Variants in PTGFRN observed in about 807,000 individuals in gnomAD.
PTGFRN encodes the protein prostaglandin F2 receptor negative regulator.
In PTGFRN, 35 loss-of-function variants were observed where a neutral mutation model predicts 83.2. The ratio of observed to expected loss-of-function variants is 0.42; its 90% CI spans 0.32 to 0.56. The LOEUF (loss-of-function observed/expected upper bound fraction) is 0.56, where lower values mean the gene tolerates loss of function less well. PTGFRN is among the 20% of genes least tolerant of loss of function. The pLI, the probability that PTGFRN is intolerant of heterozygous loss-of-function variation, is 0.11. For synonymous variants in PTGFRN, 519 were observed against 498.6 expected, an observed-to-expected ratio of 1.04 and a Z score of -0.55; for missense variants, 1,051 against 1,179.5, an observed-to-expected ratio of 0.89 and a Z score of 1.60.
At position 116,961,976 on chromosome 1, in the gene PTGFRN, C is replaced by T. The variant is rs944741206; in HGVS notation, c.1639+308C>T. Among the ~76,000 whole-genome samples, 4 of 152,174 alleles carry T rather than the reference C, an allele frequency of 2.6e-5. No individual in the cohort carries two copies. Among genetic ancestry groups the T allele is most frequent in the Non-Finnish European group, 4.4e-5 (3 of 68,042 alleles). ...TAAACATGGTGACTCTGAGGACACTCTTTCCCCTGGAGAAACCGTTACCTC... is the reference window on the plus strand; with the variant it reads ...TAAACATGGTGACTCTGAGGACACTTTTTCCCCTGGAGAAACCGTTACCTC... On this transcript the variant is annotated intron_variant, in intron 5 of 8. Coordinates refer to ENST00000393203, the MANE Select transcript of PTGFRN (RefSeq NM_020440.4). The surrounding 1 kb of genome is among the most constrained non-coding windows in gnomAD (Gnocchi z 5.4).
At chr1:116,985,992 TA>T (rs1651467216) in intron 8 of PTGFRN, among the ~76,000 whole-genome samples, 1 of 152,204 alleles carries the variant, frequency 6.6e-6, no homozygotes, top group Non-Finnish European at 1.5e-5. Flanking sequence ...CGAGGATGAG[TA>T]AAAGCCTTTT....
Position 116,972,282 on chromosome 1 carries a change from T to C in PTGFRN, c.2060-1934T>C, listed in dbSNP as rs150764640. Among the ~76,000 whole-genome samples the C allele has an allele frequency of 5.8e-4, 89 of 152,354 alleles. 1 individual carries two copies. The highest frequency in any genetic ancestry group is 2.0e-3 in the African/African-American group (84 of 41,578). On this transcript the variant is annotated intron_variant, in intron 6 of 8. Transcript: ENST00000393203. ...TCCCCATTTCCTGGAACAGCCATTC[T>C]GTCAATTCTTTATCCCCTTAGAGTT...
intron 4 of PTGFRN, among the ~76,000 whole-genome samples, chr1:116,953,114 G>T (rs191338000): frequency 6.6e-6 from 1 of 152,190 alleles, no homozygotes; most frequent in East Asian, 1.9e-4. Flanking sequence ...ATTGGAAGGG[G>T]TTCCACAGGC....
chr1:116,984,625 C>CTTATG lies in PTGFRN; in HGVS notation c.2168-55_2168-54insTTATG, dbSNP rs1651408795. On this transcript the variant is annotated intron_variant, in intron 7 of 8. Transcript: ENST00000393203. ...GGCCTCATACATGGATGTGGCCATA[C>CTTATG]ATATGACTTCTGCCCATTGCACTGA... is the stretch of plus-strand genomic sequence containing the variant. The CTTATG allele has an allele frequency of 3.9e-6, 6 of 1,547,414 alleles. No homozygotes were observed. In the East Asian group the frequency reaches 1.4e-4, roughly 35 times the overall value.
intron 7 of PTGFRN, among the ~76,000 whole-genome samples, chr1:116,976,507 A>G (rs1651160283): frequency 6.6e-6 from 1 of 152,252 alleles, no homozygotes; most frequent in East Asian, 1.9e-4. Context: ...GAAGCCCATC[A>G]GATTAACAGC....
intron 1 of PTGFRN, 131 bp downstream of exon 1, chr1:116,910,383 G>T: frequency 1.2e-6 from 1 of 813,434 alleles, no homozygotes; most frequent in Non-Finnish European, 1.6e-6. Context: ...ACCCGGCCGG[G>T]GTGCGCGGGT....
chr1:116,928,477 C>A (rs760269956), intron 1 of PTGFRN, among the ~76,000 whole-genome samples: 1 of 152,170 alleles, frequency 6.6e-6, no homozygotes, highest in Admixed American at 6.5e-5. Flanking sequence ...CAACCTGGGA[C>A]CCTCTGTCAT....
chr1:116,949,776 C>T (rs2101068628), intron 4 of PTGFRN, among the ~76,000 whole-genome samples: 1 of 152,286 alleles, frequency 6.6e-6, no homozygotes, highest in African/African-American at 2.4e-5. Flanking sequence ...ATAATGTGGC[C>T]TCAGTTGTCT....
At chr1:116,980,023 A>AG (rs1322629505) in intron 7 of PTGFRN, among the ~76,000 whole-genome samples, 2,180 of 133,830 alleles carry the variant, frequency 0.016, 54 homozygotes, top group African/African-American at 0.062. Flanking sequence ...ATTTACAAGA[A>AG]AAAAACAACC....
At chr1:116,959,108 A>G (rs1297561502) in intron 4 of PTGFRN, among the ~76,000 whole-genome samples, 2 of 152,222 alleles carry the variant, frequency 1.3e-5, no homozygotes, top group African/African-American at 4.8e-5. Flanking sequence ...TAATTTGAGC[A>G]TTCCTTATCT....
chr1:116,928,889 A>G (rs915583997), intron 1 of PTGFRN, among the ~76,000 whole-genome samples: 3 of 152,120 alleles, frequency 2.0e-5, no homozygotes, highest in Non-Finnish European at 4.4e-5. Context: ...TCTTTCCCCA[A>G]GTGACCCCAG....
chr1:116,960,397 A>T (rs775427306), intron 4 of PTGFRN, among the ~76,000 whole-genome samples: 1 of 152,166 alleles, frequency 6.6e-6, no homozygotes, highest in Non-Finnish European at 1.5e-5. Flanking sequence ...AGAACCATGG[A>T]GGTGCAGAAA....
At chr1:116,975,969 C>G (rs917734425) in intron 7 of PTGFRN, among the ~76,000 whole-genome samples, 1 of 152,018 alleles carries the variant, frequency 6.6e-6, no homozygotes, top group African/African-American at 2.4e-5. Flanking sequence ...AAGCTAAAAA[C>G]GTTGAAAAAA....
At chr1:116,986,700 C>G in intron 8 of PTGFRN, 101 bp from the exon 9 acceptor site, 1 of 1,195,254 alleles carries the variant, frequency 8.4e-7, no homozygotes, top group Non-Finnish European at 1.2e-6. Flanking sequence ...GACCTTATCT[C>G]TCGGGAGATC....
chr1:116,961,240 C>T lies in PTGFRN; in HGVS notation c.1214-3C>T, dbSNP rs1650652695. 6.7e-7 allele frequency: 1 copy of T among 1,503,232 alleles called. No homozygotes were observed. The highest frequency in any genetic ancestry group is 1.4e-5 in the African/African-American group (1 of 71,478). 93.1% of individuals were successfully genotyped at this position (1,503,232 alleles called of 1,614,324 possible). On this transcript the variant is annotated splice_polypyrimidine_tract_variant and splice_region_variant and intron_variant, in intron 4 of 8. Transcript: ENST00000393203. The surrounding 1 kb of genome is among the most constrained non-coding windows in gnomAD (Gnocchi z 5.4). Reference sequence around the variant, plus strand: ...TATCCTGGCCTTTCTGTCTCTCGTTCAGAACCAGACTACCAGGTGTACCTG... The same window carrying T: ...TATCCTGGCCTTTCTGTCTCTCGTTTAGAACCAGACTACCAGGTGTACCTG...
At chr1:116,970,827 G>T (rs1238356688) in intron 6 of PTGFRN, among the ~76,000 whole-genome samples, 1 of 152,118 alleles carries the variant, frequency 6.6e-6, no homozygotes, top group Non-Finnish European at 1.5e-5. Context: ...CAACAAAGGG[G>T]TTCTTCCCAT....
intron 1 of PTGFRN, among the ~76,000 whole-genome samples, chr1:116,926,912 G>C (rs1239374360): frequency 1.3e-5 from 2 of 152,214 alleles, no homozygotes; most frequent in African/African-American, 4.8e-5. Flanking sequence ...CTAGTCAGCT[G>C]TCTTGAAGCA....
At chr1:116,915,026 T>C (rs1017845006) in intron 1 of PTGFRN, among the ~76,000 whole-genome samples, 5 of 152,212 alleles carry the variant, frequency 3.3e-5, no homozygotes, top group African/African-American at 1.2e-4. Context: ...ATAAGGAAAC[T>C]GATGCCCAGA....
intron 7 of PTGFRN, among the ~76,000 whole-genome samples, chr1:116,979,366 A>G (rs1293159355): frequency 6.6e-6 from 1 of 152,186 alleles, no homozygotes; most frequent in Non-Finnish European, 1.5e-5. Flanking sequence ...ATTGGAAAAA[A>G]CTACTTTAAA....
Sources: gnomAD v4.1 joint callset for allele counts (sites outside exome capture counted in the v4.1 genomes callset) on GRCh38, gnomAD v4.1.1 for gene constraint, Gnocchi (gnomAD v3.1) non-coding constraint, MANE v1.5 for transcripts, NCBI Gene and HGNC (gene_info 2026-07-23, HGNC 2026-07-21) for gene names.